The following SEC63 variants were observed in gnomAD, a reference collection of about 807,000 sequenced individuals.
The protein encoded by SEC63 is translocation protein SEC63 homolog.
A neutral mutation model predicts 116.2 loss-of-function variants in SEC63; 56 were observed. The observed-to-expected ratio is 0.48, with a 90% CI of 0.39 to 0.60. The LOEUF (loss-of-function observed/expected upper bound fraction) is 0.60. SEC63 is among the 20% of genes least tolerant of loss of function. SEC63 has a pLI of 0.00. For synonymous variants in SEC63, 273 were observed against 294.6 expected (o/e 0.93, Z 0.75); for missense variants, 668 against 900.0 (o/e 0.74, Z 3.30).
chr6:107,909,183 C>T (rs1562324896), intron 7 of SEC63, 148 bp from the exon 8 acceptor site: 3 of 615,784 alleles, frequency 4.9e-6, no homozygotes, highest in Middle Eastern at 4.4e-4. Flanking sequence ...GCCTGGGCAA[C>T]ATAGTGAGAC....
intron 4 of SEC63, 125 bp from the exon 5 acceptor site, chr6:107,913,552 A>G: frequency 2.6e-6 from 2 of 768,612 alleles, no homozygotes; most frequent in South Asian, 1.4e-5. Flanking sequence ...TGAATCAAGA[A>G]AAGTTTCTCT....
intron 1 of SEC63, among the ~76,000 whole-genome samples, chr6:107,941,171 T>C (rs1770366515): frequency 6.6e-6 from 1 of 152,082 alleles, no homozygotes; most frequent in African/African-American, 2.4e-5. Flanking sequence ...AAGTGCAGAG[T>C]GTGTCTTGCT....
chr6:107,899,911 C>G (rs1399499124), intron 13 of SEC63, among the ~76,000 whole-genome samples: 1 of 152,136 alleles, frequency 6.6e-6, no homozygotes, highest in Non-Finnish European at 1.5e-5. Flanking sequence ...AACTCCTCAC[C>G]AAAGCAAACC....
At chr6:107,898,609 A>C (rs2114435871) in intron 13 of SEC63, among the ~76,000 whole-genome samples, 1 of 152,348 alleles carries the variant, frequency 6.6e-6, no homozygotes, top group Admixed American at 6.5e-5. Context: ...TTTTTTCAAT[A>C]AATGGTACTA....
rs1214316094 is a variant in SEC63 at position 107,869,877 on chromosome 6, C to T, written c.*1827G>A. On this transcript the variant is annotated 3_prime_UTR_variant, in exon 21 of 21. Transcript: ENST00000369002. ...CAGCTGTGTGAATGAACTTATAAAG[C>T]CTCTTTAAGGCAAAGTAGCCACTAG... is the stretch of plus-strand genomic sequence containing the variant. The T allele has an allele frequency of 7.2e-6, 1 of 139,178 alleles. No homozygotes were observed. Among genetic ancestry groups the T allele is most frequent in the Non-Finnish European group, 1.5e-5 (1 of 65,174 alleles). The allele number at this position is 139,178 out of a possible 1,614,324, so 8.6% of individuals were successfully genotyped here. A position where few individuals can be genotyped will look rare whatever the true frequency, so the allele number is the denominator to read the frequency against.
At chr6:107,896,218 C>T (rs989928103) in intron 14 of SEC63, among the ~76,000 whole-genome samples, 2 of 152,066 alleles carry the variant, frequency 1.3e-5, no homozygotes, top group African/African-American at 4.8e-5. Context: ...AACCCCAGCA[C>T]GTTGGGAGAC....
chr6:107,910,712 C>T (rs1251758454), intron 7 of SEC63, among the ~76,000 whole-genome samples: 2 of 152,000 alleles, frequency 1.3e-5, no homozygotes, highest in Non-Finnish European at 2.9e-5. Context: ...TATACATACA[C>T]ACATATGTAT....
rs548096606 is a variant in SEC63 at position 107,933,868 on chromosome 6, G to T, written c.125-4354C>A. 2.0e-5 allele frequency among the ~76,000 whole-genome samples: 3 copies of T among 152,316 alleles called. 1 individual carries two copies. In the East Asian group the frequency reaches 5.8e-4, roughly 29 times the overall value. ...GCCGAGTGCCTGCGATTGCAGGCGC[G>T]CGCCGCCACGCCTGACTGGTTTTCG... is the stretch of plus-strand genomic sequence containing the variant. On this transcript the variant is annotated intron_variant, in intron 1 of 20. Transcript: ENST00000369002.
rs111637159 is a variant in SEC63 at position 107,871,448 on chromosome 6, A to G, written c.*256T>C. 6.6e-3 allele frequency: 3,203 copies of G among 485,872 alleles called. 15 individuals are homozygous for G. The highest frequency in any genetic ancestry group is 9.7e-3 in the Non-Finnish European group (2,566 of 265,242). The allele number at this position is 485,872 out of a possible 1,614,324, so 30.1% of individuals were successfully genotyped here. A position where few individuals can be genotyped will look rare whatever the true frequency, so the allele number is the denominator to read the frequency against. On this transcript the variant is annotated 3_prime_UTR_variant, in exon 21 of 21. Transcript: ENST00000369002. The stretch of plus-strand genomic sequence containing the variant: ...GCCCACACTTCTGGACAGTTATAAT[A>G]ACAAAGGATTTATTATCATTTGCAG...
intron 2 of SEC63, among the ~76,000 whole-genome samples, chr6:107,926,313 CTT>C (rs35915238): frequency 6.6e-6 from 1 of 152,100 alleles, no homozygotes; most frequent in Admixed American, 6.5e-5. Context: ...TACTGAATGA[CTT>C]TTATTTCTTA....
At chr6:107,915,131 A>C (rs183989418) in intron 4 of SEC63, among the ~76,000 whole-genome samples, 3 of 152,306 alleles carry the variant, frequency 2.0e-5, no homozygotes, top group Admixed American at 1.3e-4. Context: ...ATTTTAGTAT[A>C]ATTCACATTT....
At chr6:107,924,602 C>G (rs1787632572) in intron 3 of SEC63, among the ~76,000 whole-genome samples, 1 of 152,098 alleles carries the variant, frequency 6.6e-6, no homozygotes, top group Admixed American at 6.5e-5. Flanking sequence ...TTCAAATATT[C>G]TTATATTTTA....
At chr6:107,931,299 G>A (rs556786579) in intron 1 of SEC63, among the ~76,000 whole-genome samples, 6 of 150,318 alleles carry the variant, frequency 4.0e-5, no homozygotes, top group East Asian at 2.0e-4. Flanking sequence ...CCAAGATCAC[G>A]CCATTGCACT....
At chr6:107,899,981 C>T (rs1003287109) in intron 13 of SEC63, among the ~76,000 whole-genome samples, 6 of 152,152 alleles carry the variant, frequency 3.9e-5, no homozygotes, top group African/African-American at 1.4e-4. Context: ...GCACTGTTTG[C>T]CTTCCTTTCC....
intron 12 of SEC63, 120 bp from the exon 13 acceptor site, chr6:107,901,637 A>C (rs779289529): frequency 3.0e-6 from 2 of 677,546 alleles, no homozygotes; most frequent in Non-Finnish European, 5.0e-6. Flanking sequence ...AGTGTTGATT[A>C]ATGTGCATTT....
intron 16 of SEC63, among the ~76,000 whole-genome samples, chr6:107,886,997 T>C (rs1786545043): frequency 2.0e-5 from 3 of 152,198 alleles, no homozygotes; most frequent in Non-Finnish European, 2.9e-5. Flanking sequence ...GGTTTTCTTC[T>C]AGGGTTTTTA....
intron 7 of SEC63, among the ~76,000 whole-genome samples, chr6:107,910,284 G>A (rs144838683): frequency 0.015 from 2,343 of 152,108 alleles, 13 homozygotes; most frequent in Non-Finnish European, 0.023. Context: ...TGGGCAACGT[G>A]GCAAGACCCC....
In SEC63 at chr6:107,921,794, T is replaced by C. The variant is rs767207844; in HGVS notation, c.452+3A>G. The C allele has an allele frequency of 1.2e-5, 19 of 1,565,360 alleles. No homozygotes were observed. The highest frequency in any genetic ancestry group is 1.6e-5 in the Non-Finnish European group (18 of 1,135,670). On this transcript the variant is annotated splice_donor_region_variant and intron_variant, in intron 4 of 20. Coordinates refer to ENST00000369002, the MANE Select transcript of SEC63 (RefSeq NM_007214.5). ...AAAATTTGTAATGGATCCTGATACT[T>C]ACGCAGCATAAGCTTTTGCTATCCT...
At chr6:107,876,493 G>T in intron 19 of SEC63, 71 bp downstream of exon 19, 2 of 923,490 alleles carry the variant, frequency 2.2e-6, no homozygotes, top group Non-Finnish European at 3.6e-6. Context: ...TTAAAAAAAA[G>T]ATATATGAAG....
Sources: gnomAD v4.1 joint callset for allele counts (sites outside exome capture counted in the v4.1 genomes callset) on GRCh38, gnomAD v4.1.1 for gene constraint, MANE v1.5 for transcripts, NCBI Gene and HGNC (gene_info 2026-07-23, HGNC 2026-07-21) for gene names.